The following GTF2IRD1 variants were observed in gnomAD, a reference collection of about 807,000 sequenced individuals.
GTF2IRD1 encodes the protein general transcription factor II-I repeat domain-containing protein 1.
In GTF2IRD1, 26 loss-of-function variants were observed where a neutral mutation model predicts 113.2. That is an observed-to-expected ratio of 0.23 (90% CI 0.17 to 0.32). The LOEUF (loss-of-function observed/expected upper bound fraction) is 0.32, where lower values mean the gene tolerates loss of function less well. GTF2IRD1 is among the 10% of genes least tolerant of loss of function. The probability of loss-of-function intolerance (pLI) is 1.00; values close to 1 mark genes in which losing one functional copy is unlikely to be tolerated. For missense variants in GTF2IRD1, 864 were observed against 1,280.8 expected (o/e 0.67, Z 4.97); for synonymous variants, 484 against 529.1 (o/e 0.91, Z 1.17).
chr7:74,516,243 A>G (rs1796921439), intron 4 of GTF2IRD1, among the ~76,000 whole-genome samples: 1 of 152,216 alleles, frequency 6.6e-6, no homozygotes, highest in Non-Finnish European at 1.5e-5. Flanking sequence ...CAGTGGGTTT[A>G]GGCCCCTCTC....
At position 74,519,404 on chromosome 7, in the gene GTF2IRD1, C is replaced by T. The variant is rs1554345340; in HGVS notation, c.606-5C>T. The T allele has an allele frequency of 6.6e-7, 1 of 1,519,324 alleles. No individual in the cohort carries two copies. The highest frequency in any genetic ancestry group is 2.2e-5 in the Admixed American group (1 of 45,762). 94.1% of individuals were successfully genotyped at this position (1,519,324 alleles called of 1,614,324 possible). ...AGCTGTCCATGTGTCCTCTCCTTTA[C>T]TCAGGCCACTTGAGGATGGCGGGCG... On this transcript the variant is annotated splice_region_variant and splice_polypyrimidine_tract_variant and intron_variant, in intron 5 of 26. Transcript: ENST00000424337.
At chr7:74,473,579 T>G (rs1452745573) in intron 1 of GTF2IRD1, among the ~76,000 whole-genome samples, 1 of 152,140 alleles carries the variant, frequency 6.6e-6, no homozygotes, top group Non-Finnish European at 1.5e-5. Flanking sequence ...CATGAGCCAC[T>G]GCGCACGGCT....
intron 11 of GTF2IRD1, among the ~76,000 whole-genome samples, chr7:74,537,208 G>A (rs1200456564): frequency 6.6e-6 from 1 of 152,072 alleles, no homozygotes; most frequent in Non-Finnish European, 1.5e-5. Flanking sequence ...TCAGGAGTTC[G>A]AAACCAACCT....
intron 22 of GTF2IRD1, among the ~76,000 whole-genome samples, chr7:74,562,688 C>T (rs1204627050): frequency 6.6e-6 from 1 of 150,746 alleles, no homozygotes; most frequent in East Asian, 2.0e-4. Context: ...CTGCCTCAGC[C>T]TCCTGAGTAG....
intron 1 of GTF2IRD1, among the ~76,000 whole-genome samples, chr7:74,491,517 C>T (rs55914769): frequency 0.27 from 40,173 of 151,278 alleles, 5,702 homozygotes; most frequent in South Asian, 0.37. Flanking sequence ...TGTGTTGCCC[C>T]CCTCTCTGTG....
chr7:74,501,467 G>C (rs1554339482), intron 1 of GTF2IRD1, among the ~76,000 whole-genome samples: 1 of 152,152 alleles, frequency 6.6e-6, no homozygotes, highest in South Asian at 2.1e-4. Context: ...TCCGGAGGGG[G>C]CGGTCCTTGA....
intron 1 of GTF2IRD1, among the ~76,000 whole-genome samples, chr7:74,463,497 G>A (rs1290580104): frequency 3.3e-5 from 5 of 151,992 alleles, no homozygotes; most frequent in African/African-American, 1.2e-4. Flanking sequence ...AGCTTCCCAA[G>A]TGCTGGGATT....
Position 74,601,068 on chromosome 7 carries a change from G to A in GTF2IRD1, c.2654G>A (p.Arg885His), listed in dbSNP as rs587688217. ...GCCAAAGACAGCAGCATTCCCAAGC[G>A]CAAGAGAAAGCGGGTCTCGGAAGGA... ...VPAKDSSIPK[R>H]KRKRVSEGNS... Residue 885 changes from arginine to histidine, a missense_variant, in exon 26 of 27, where the codon CGC becomes CAC. Transcript: ENST00000424337. The A allele has an allele frequency of 1.4e-5, 23 of 1,614,100 alleles. No individual in the cohort carries two copies. Among genetic ancestry groups the A allele is most frequent in the Admixed American group, 5.0e-5 (3 of 59,996 alleles).
At chr7:74,460,808 G>A (rs1467921239) in intron 1 of GTF2IRD1, among the ~76,000 whole-genome samples, 2 of 152,214 alleles carry the variant, frequency 1.3e-5, no homozygotes, top group African/African-American at 4.8e-5. Context: ...CTGGGAAAGT[G>A]TCTGCAATGG....
At chr7:74,546,695 G>C (rs1218007390) in intron 16 of GTF2IRD1, among the ~76,000 whole-genome samples, 1 of 152,210 alleles carries the variant, frequency 6.6e-6, no homozygotes, top group Non-Finnish European at 1.5e-5. Context: ...AGCGTGTGGG[G>C]TTGCTTATGG....
chr7:74,517,912 G>T (rs1038889470), intron 4 of GTF2IRD1, among the ~76,000 whole-genome samples: 1 of 152,208 alleles, frequency 6.6e-6, no homozygotes, highest in Admixed American at 6.5e-5. Context: ...CCTGCTTGGT[G>T]GGGGAGCCCC....
Position 74,519,449 on chromosome 7 carries a change from G to A in GTF2IRD1, c.646G>A (p.Glu216Lys). ...DGGRDSKALV[E>K]LNGVSLIPKG... Reference sequence around the variant, plus strand: ...CGGGCGGGACTCGAAGGCCCTGGTGGAGCTGAACGGTGTCTCCCTGATTCC... The same window carrying A: ...CGGGCGGGACTCGAAGGCCCTGGTGAAGCTGAACGGTGTCTCCCTGATTCC... The change falls in exon 6 of 27, where the codon GAG becomes AAG. Residue 216 changes from glutamate (E) to lysine (K), a missense_variant. By Grantham distance (56) the Glu-to-Lys change is moderately conservative. Around this residue, in one of 7 missense-constraint regions of GTF2IRD1, gnomAD observed 195 missense variants for 196.6 expected, o/e 0.99. Transcript: ENST00000424337. 1.3e-6 allele frequency: 2 copies of A among 1,568,190 alleles called. No individual in the cohort carries two copies. Among genetic ancestry groups the A allele is most frequent in the Non-Finnish European group, 8.6e-7 (1 of 1,157,908 alleles).
chr7:74,498,970 T>G (rs1399194242), intron 1 of GTF2IRD1, among the ~76,000 whole-genome samples: 1 of 152,216 alleles, frequency 6.6e-6, no homozygotes, highest in Non-Finnish European at 1.5e-5. Context: ...CCTCAAGTGA[T>G]CCTCCCACCT....
rs1362974073 is a variant in GTF2IRD1 at position 74,538,760 on chromosome 7, G to A, written c.1528G>A (p.Asp510Asn). The change falls in exon 13 of 27, where the codon GAC becomes AAC. Residue 510 changes from aspartate to asparagine, a missense_variant and splice_region_variant. Asp to Asn is a conservative substitution (Grantham distance 23). Coordinates refer to ENST00000424337, the MANE Select transcript of GTF2IRD1 (RefSeq NM_005685.4). ...GGACATCATTCAGGTCACCGTCCCA[G>A]GTAAGGGACGGGCATCTGACCACCC... ...DLDIIQVTVP[D>N]PSPTSEEMTD... The A allele has an allele frequency of 2.0e-6, 3 of 1,517,454 alleles. No individual in the cohort carries two copies. The African/African-American group carries it at 4.1e-5, about 21-fold the overall frequency. The allele number at this position is 1,517,454 out of a possible 1,614,324, so 94.0% of individuals were successfully genotyped here.
At chr7:74,486,664 G>A (rs1562792431) in intron 1 of GTF2IRD1, among the ~76,000 whole-genome samples, 1 of 152,118 alleles carries the variant, frequency 6.6e-6, no homozygotes, top group Admixed American at 6.6e-5. Flanking sequence ...CACAGCATCT[G>A]TCTGCCTCAC....
At chr7:74,470,451 T>A (rs1554332045) in intron 1 of GTF2IRD1, among the ~76,000 whole-genome samples, 2 of 152,152 alleles carry the variant, frequency 1.3e-5, no homozygotes, top group South Asian at 4.1e-4. Flanking sequence ...CAGCCCCTGG[T>A]AATTGCTAAT....
intron 1 of GTF2IRD1, among the ~76,000 whole-genome samples, chr7:74,480,723 C>G (rs1317607250): frequency 6.6e-6 from 1 of 152,210 alleles, no homozygotes; most frequent in Non-Finnish European, 1.5e-5. Flanking sequence ...ATGGGGCGGC[C>G]TGGACCCCGC....
intron 22 of GTF2IRD1, among the ~76,000 whole-genome samples, chr7:74,575,112 A>T (rs1800956911): frequency 6.6e-6 from 1 of 152,068 alleles, no homozygotes; most frequent in South Asian, 2.1e-4. Context: ...AAACAAAAAA[A>T]ACCCAGCCTC....
intron 22 of GTF2IRD1, among the ~76,000 whole-genome samples, chr7:74,565,479 C>T (rs1197212945): frequency 1.3e-5 from 2 of 151,968 alleles, no homozygotes; most frequent in Non-Finnish European, 2.9e-5. Flanking sequence ...GAGCCAAGAT[C>T]GCGCCATTGC....
Sources: gnomAD v4.1 joint callset for allele counts (sites outside exome capture counted in the v4.1 genomes callset) on GRCh38, gnomAD v4.1.1 for gene constraint, gnomAD v4.1.1 regional missense constraint, MANE v1.5 for transcripts, NCBI Gene and HGNC (gene_info 2026-07-23, HGNC 2026-07-21) for gene names.